The following PARP1 variants were observed in gnomAD, a reference collection of about 807,000 sequenced individuals.
PARP1 encodes the protein poly(ADP-ribose) polymerase 1.
PARP1 carries 44 observed loss-of-function variants against 118.7 expected under a neutral mutation model. The ratio of observed to expected loss-of-function variants is 0.37; its 90% CI spans 0.29 to 0.48. The LOEUF is 0.48. Among genes scored for constraint, PARP1 ranks in the 20% least tolerant of loss-of-function variants. The pLI is 0.99. For missense variants in PARP1, 1,100 were observed against 1,272.4 expected, an observed-to-expected ratio of 0.86 and a Z score of 2.06; for synonymous variants, 492 against 483.2, an observed-to-expected ratio of 1.02 and a Z score of -0.24.
chr1:226,368,837 T>C (rs1396534600), intron 15 of PARP1, among the ~76,000 whole-genome samples: 1 of 152,202 alleles, frequency 6.6e-6, no homozygotes, highest in African/African-American at 2.4e-5. Context: ...AAGCAATCCT[T>C]ACACTCACTG....
At chr1:226,365,342 G>A (rs142533583) in intron 18 of PARP1, among the ~76,000 whole-genome samples, 188 bp from the exon 19 acceptor site, 73 of 152,324 alleles carry the variant, frequency 4.8e-4, no homozygotes, top group Middle Eastern at 3.4e-3. Context: ...GCCCAGCAGC[G>A]CCCAGCCATT....
At chr1:226,386,470 G>C (rs200220337) in intron 5 of PARP1, 28 bp from the exon 6 acceptor site, 6 of 1,400,654 alleles carry the variant, frequency 4.3e-6, no homozygotes, top group Admixed American at 1.7e-5. Flanking sequence ...TGGCTGAGAG[G>C]CTAGCTCTTT....
chr1:226,373,160 CT>C (rs1664424021), intron 14 of PARP1, among the ~76,000 whole-genome samples: 1 of 152,156 alleles, frequency 6.6e-6, no homozygotes, highest in African/African-American at 2.4e-5. Flanking sequence ...TTTTGACCCC[CT>C]GTCCTCCCAG....
chr1:226,367,954 C>T (rs1236045283), intron 16 of PARP1, among the ~76,000 whole-genome samples: 1 of 152,170 alleles, frequency 6.6e-6, no homozygotes, highest in East Asian at 1.9e-4. Flanking sequence ...GAGGAAGATG[C>T]TGTTATGAGG....
At chr1:226,400,098 ATG>A (rs1665000656) in intron 2 of PARP1, among the ~76,000 whole-genome samples, 1 of 152,224 alleles carries the variant, frequency 6.6e-6, no homozygotes, top group South Asian at 2.1e-4. Context: ...GATTTTGTGC[ATG>A]ATACAAGACA....
At chr1:226,373,383 C>T (rs1664428494) in intron 14 of PARP1, among the ~76,000 whole-genome samples, 1 of 152,206 alleles carries the variant, frequency 6.6e-6, no homozygotes, top group Non-Finnish European at 1.5e-5. Context: ...CTTCTGGGTT[C>T]AGCAGCTAGG....
rs371612969 is a variant in PARP1, at chr1:226,377,057, T to A, written c.1941+51A>T. ...ACGATGTGGATTTTCTAGAATAAGG[T>A]GTCCCTTCCTTTTCCTAGAAGCAGA... On this transcript the variant is annotated intron_variant, in intron 13 of 22. Coordinates refer to ENST00000366794, the MANE Select transcript of PARP1 (RefSeq NM_001618.4). 2.6e-5 allele frequency: 38 copies of A among 1,467,388 alleles called. No individual in the cohort carries two copies. The African/African-American group carries it at 4.6e-4, about 18-fold the overall frequency. 90.9% of individuals were successfully genotyped at this position (1,467,388 alleles called of 1,614,324 possible).
chr1:226,407,825 C>A lies in PARP1; in HGVS notation c.105G>T (p.Met35Ile). 1 of 1,578,844 alleles carries A rather than the reference C, an allele frequency of 6.3e-7. No homozygotes were observed. Among genetic ancestry groups the A allele is most frequent in the Non-Finnish European group, 8.6e-7 (1 of 1,162,862 alleles). ...SESIPKDSLR[M>I]AIMVQSPMFD... ...CGGCCCGCACCTGCACCATGATGGC[C>A]ATCCGGAGCGAGTCCTTGGGGATGC... is the stretch of plus-strand genomic sequence containing the variant. Residue 35 changes from methionine to isoleucine, a missense_variant, in exon 1 of 23, where the codon ATG becomes ATT. Coordinates refer to ENST00000366794, the MANE Select transcript of PARP1 (RefSeq NM_001618.4).
rs530991709 is a variant in PARP1 at position 226,390,384 on chromosome 1, G to C, written c.617+26C>G. The C allele has an allele frequency of 2.1e-4, 338 of 1,607,564 alleles. 4 individuals are homozygous for C. In the South Asian group the frequency reaches 3.5e-3, roughly 17 times the overall value. On this transcript the variant is annotated intron_variant, in intron 4 of 22. Transcript: ENST00000366794. ...CCTTGAACCCCTCACTGAACCCCCA[G>C]GGCAACCCCGCAGTGCTCCACCCAC...
At chr1:226,364,548 G>C (rs748145885) in intron 19 of PARP1, among the ~76,000 whole-genome samples, 2 of 152,218 alleles carry the variant, frequency 1.3e-5, no homozygotes, top group Non-Finnish European at 2.9e-5. Context: ...TTCTACAACT[G>C]TGAAACAAGA....
intron 1 of PARP1, among the ~76,000 whole-genome samples, chr1:226,405,915 A>C (rs1415772921): frequency 6.6e-6 from 1 of 152,216 alleles, no homozygotes; most frequent in Admixed American, 6.5e-5. Context: ...CAGGAGTTTG[A>C]GACCAGCCTG....
chr1:226,367,358 T>C (rs1177269719), intron 17 of PARP1, 122 bp downstream of exon 17: 7 of 1,208,458 alleles, frequency 5.8e-6, no homozygotes, highest in Non-Finnish European at 7.3e-6. Context: ...AAGTGAATTA[T>C]TGGGCGCCAG....
intron 8 of PARP1, among the ~76,000 whole-genome samples, chr1:226,381,490 C>T (rs988960587): frequency 2.6e-5 from 4 of 152,188 alleles, no homozygotes; most frequent in Non-Finnish European, 5.9e-5. Flanking sequence ...CCCAGGTCCG[C>T]GCCAAGGTCA....
intron 5 of PARP1, among the ~76,000 whole-genome samples, chr1:226,386,649 G>A (rs539564918): frequency 2.6e-5 from 4 of 152,320 alleles, no homozygotes; most frequent in African/African-American, 9.6e-5. Flanking sequence ...GTCTCTCAGA[G>A]AATACTGTGG....
At chr1:226,406,902 T>C (rs1665158726) in intron 1 of PARP1, among the ~76,000 whole-genome samples, 2 of 152,204 alleles carry the variant, frequency 1.3e-5, no homozygotes, top group South Asian at 4.2e-4. Context: ...TTACAGCTCA[T>C]GGAAGGGAGG....
chr1:226,376,973 A>G, intron 13 of PARP1, 135 bp downstream of exon 13: 1 of 828,750 alleles, frequency 1.2e-6, no homozygotes, highest in Non-Finnish European at 2.0e-6. Flanking sequence ...GAATTTGTGA[A>G]GGACTATTAT....
chr1:226,373,884 G>A (rs1477798461), intron 14 of PARP1, among the ~76,000 whole-genome samples: 1 of 152,162 alleles, frequency 6.6e-6, no homozygotes, highest in Non-Finnish European at 1.5e-5. Context: ...TGGGGAGACT[G>A]AGGTGGGTGG....
intron 21 of PARP1, among the ~76,000 whole-genome samples, chr1:226,362,405 C>T (rs916517191): frequency 2.6e-5 from 4 of 151,970 alleles, no homozygotes; most frequent in African/African-American, 7.3e-5. Flanking sequence ...AGGATGGTCT[C>T]GAACTCCTGA....
chr1:226,364,208 G>T, intron 19 of PARP1, 138 bp from the exon 20 acceptor site: 2 of 833,526 alleles, frequency 2.4e-6, no homozygotes, highest in Non-Finnish European at 4.0e-6. Context: ...TGCCCATGGT[G>T]AGGAAATACC....
Sources: gnomAD v4.1 joint callset for allele counts (sites outside exome capture counted in the v4.1 genomes callset) on GRCh38, gnomAD v4.1.1 for gene constraint, MANE v1.5 for transcripts, NCBI Gene and HGNC (gene_info 2026-07-23, HGNC 2026-07-21) for gene names.